Variants in ZNF521 observed in about 807,000 individuals in gnomAD.
ZNF521 encodes LYST-interacting protein 3.
Under a neutral mutation model 105.5 loss-of-function variants are expected in ZNF521, and 14 were observed. That is an observed-to-expected ratio of 0.13 (90% CI 0.09 to 0.21). The LOEUF (loss-of-function observed/expected upper bound fraction) is 0.21, where lower values mean the gene tolerates loss of function less well. Ranked by LOEUF, ZNF521 falls within the 10% of genes least tolerant of loss-of-function variation. ZNF521 has a pLI of 1.00. For missense variants in ZNF521, 1,233 were observed against 1,629.7 expected (o/e 0.76, Z 4.19); for synonymous variants, 635 against 606.0 (o/e 1.05, Z -0.70).
intron 5 of ZNF521, among the ~76,000 whole-genome samples, chr18:25,116,887 A>G (rs1294770787): frequency 8.9e-5 from 4 of 44,854 alleles, no homozygotes; most frequent in South Asian, 5.7e-4. Flanking sequence ...ATATATATAT[A>G]CGTATATATA....
chr18:25,224,611 C>A lies in ZNF521; in HGVS notation c.3307G>T (p.Ala1103Ser), dbSNP rs755213954. 1 of 1,614,060 alleles carries A rather than the reference C, an allele frequency of 6.2e-7. No homozygotes were observed. Among genetic ancestry groups the A allele is most frequent in the Admixed American group, 1.7e-5 (1 of 59,998 alleles). Residue 1103 changes from alanine (A) to serine (S), a missense_variant, in exon 4 of 8, where the codon GCC (alanine) becomes TCC (serine). By Grantham distance (99) the Ala-to-Ser change is moderately conservative. Coordinates refer to ENST00000361524, the MANE Select transcript of ZNF521 (RefSeq NM_015461.3). ...CAGCVNLSKS[A>S]SPGINVPPGT... ...GGAGGGACGTTAATGCCTGGGCTGGCGCTCTTACTGAGATTCACGCAGCCG... is the reference window on the plus strand; with the variant it reads ...GGAGGGACGTTAATGCCTGGGCTGGAGCTCTTACTGAGATTCACGCAGCCG...
chr18:25,165,512 G>C (rs1163792086), intron 5 of ZNF521, among the ~76,000 whole-genome samples: 1 of 152,212 alleles, frequency 6.6e-6, no homozygotes, highest in South Asian at 2.1e-4. Context: ...CTGTCCCACA[G>C]CTCCTTCTCC....
intron 5 of ZNF521, among the ~76,000 whole-genome samples, chr18:25,142,364 C>A (rs953579485): frequency 2.6e-5 from 4 of 152,114 alleles, no homozygotes; most frequent in African/African-American, 9.7e-5. Context: ...GAAGATCAAG[C>A]AATTGCCATA....
In ZNF521 at chr18:25,062,545, C is replaced by T; in HGVS notation, c.*167G>A. ...ATATACAAGGGGTCTATCCGGTGCG[C>T]AAAAGTTCAAACACATGAACATCCA... is the stretch of plus-strand genomic sequence containing the variant. On this transcript the variant is annotated 3_prime_UTR_variant, in exon 8 of 8. Transcript: ENST00000361524. 1 of 914,956 alleles carries T rather than the reference C, an allele frequency of 1.1e-6. No individual in the cohort carries two copies. The highest frequency in any genetic ancestry group is 1.7e-6 in the Non-Finnish European group (1 of 599,892). 56.7% of individuals were successfully genotyped at this position (914,956 alleles called of 1,614,324 possible).
chr18:25,208,528 C>A (rs1177786497), intron 4 of ZNF521, among the ~76,000 whole-genome samples: 1 of 152,080 alleles, frequency 6.6e-6, no homozygotes, highest in African/African-American at 2.4e-5. Context: ...TTTACCTGGT[C>A]GTTTAGTTTT....
chr18:25,220,808 C>T (rs1218869990), intron 4 of ZNF521, among the ~76,000 whole-genome samples: 1 of 152,182 alleles, frequency 6.6e-6, no homozygotes. Context: ...TTTCCAAAAT[C>T]TACTGTAGAA....
chr18:25,159,375 G>T (rs1256157256), intron 5 of ZNF521, among the ~76,000 whole-genome samples: 1 of 152,180 alleles, frequency 6.6e-6, no homozygotes, highest in Non-Finnish European at 1.5e-5. Context: ...GGGCAGGGTA[G>T]AAAGAAATTG....
At chr18:25,186,817 T>C (rs1017741614) in intron 5 of ZNF521, among the ~76,000 whole-genome samples, 2 of 150,064 alleles carry the variant, frequency 1.3e-5, no homozygotes, top group Non-Finnish European at 2.9e-5. Context: ...GAACACTCCA[T>C]GGTACTAGGT....
At chr18:25,209,765 AT>A (rs2036146453) in intron 4 of ZNF521, among the ~76,000 whole-genome samples, 1 of 152,154 alleles carries the variant, frequency 6.6e-6, no homozygotes, top group Admixed American at 6.5e-5. Context: ...CTGTGATTAT[AT>A]TTGTCACCTA....
intron 3 of ZNF521, among the ~76,000 whole-genome samples, chr18:25,228,646 T>C (rs900712502): frequency 2.0e-5 from 3 of 152,214 alleles, no homozygotes; most frequent in Admixed American, 6.5e-5. Context: ...GGAAAAGTGA[T>C]AAATGATTAT....
intron 5 of ZNF521, among the ~76,000 whole-genome samples, chr18:25,152,069 T>C (rs1301494400): frequency 1.3e-5 from 2 of 152,146 alleles, no homozygotes; most frequent in Non-Finnish European, 2.9e-5. Flanking sequence ...AAAAGACCGT[T>C]TTTATGAACC....
chr18:25,342,384 A>G (rs1425753330), intron 2 of ZNF521, among the ~76,000 whole-genome samples: 1 of 150,122 alleles, frequency 6.7e-6, no homozygotes, highest in Non-Finnish European at 1.5e-5. Context: ...AAGACTTTAC[A>G]GCCTTTTTCC....
chr18:25,124,052 C>T (rs527482112), intron 5 of ZNF521, among the ~76,000 whole-genome samples: 11 of 152,124 alleles, frequency 7.2e-5, no homozygotes, highest in Non-Finnish European at 1.0e-4. Context: ...TTGGAGCCTG[C>T]GTTAAGTGAT....
intron 5 of ZNF521, among the ~76,000 whole-genome samples, chr18:25,183,633 C>T (rs1024058886): frequency 2.0e-5 from 3 of 152,044 alleles, no homozygotes; most frequent in African/African-American, 4.8e-5. Context: ...GGGAACTTTG[C>T]TAAATATTTA....
At chr18:25,239,166 C>G (rs968813526) in intron 3 of ZNF521, among the ~76,000 whole-genome samples, 1 of 152,090 alleles carries the variant, frequency 6.6e-6, no homozygotes, top group African/African-American at 2.4e-5. Flanking sequence ...CTTTAACAGC[C>G]CCCCTCCCAC....
chr18:25,104,420 C>G (rs1055422283), intron 5 of ZNF521, among the ~76,000 whole-genome samples: 1 of 152,196 alleles, frequency 6.6e-6, no homozygotes, highest in Admixed American at 6.5e-5. Context: ...CTTAAACAAT[C>G]TAAGTAGAAG....
chr18:25,092,096 A>G lies in ZNF521; in HGVS notation c.3659-15T>C, dbSNP rs758466301. On this transcript the variant is annotated splice_polypyrimidine_tract_variant and intron_variant, in intron 5 of 7. Coordinates refer to ENST00000361524, the MANE Select transcript of ZNF521 (RefSeq NM_015461.3). ...CAGTCCTTCATCTGTCAAGGAAAAC[A>G]CATGAAGAGAAATGATGAAAACCTG... 27 of 1,613,374 alleles carry G rather than the reference A, an allele frequency of 1.7e-5. No homozygotes were observed. Among genetic ancestry groups the G allele is most frequent in the Non-Finnish European group, 2.1e-5 (25 of 1,179,636 alleles).
At chr18:25,290,166 T>C (rs973098376) in intron 3 of ZNF521, among the ~76,000 whole-genome samples, 6 of 152,226 alleles carry the variant, frequency 3.9e-5, no homozygotes, top group African/African-American at 1.4e-4. Flanking sequence ...ATGAACTGCA[T>C]GCAGTCTGCG....
At chr18:25,156,302 G>T (rs901376862) in intron 5 of ZNF521, among the ~76,000 whole-genome samples, 2 of 152,186 alleles carry the variant, frequency 1.3e-5, no homozygotes, top group African/African-American at 4.8e-5. Context: ...CAAATTGAGA[G>T]TCCAGTTCCC....
Sources: allele counts gnomAD v4.1 joint callset (sites outside exome capture counted in the v4.1 genomes callset), GRCh38; gene constraint gnomAD v4.1.1; transcripts MANE v1.5; gene names NCBI Gene and HGNC (gene_info 2026-07-23, HGNC 2026-07-21).